Variants in PTPRN2 observed in about 807,000 individuals in gnomAD.
PTPRN2 encodes the protein receptor-type tyrosine-protein phosphatase N2.
In PTPRN2, 74 loss-of-function variants were observed where a neutral mutation model predicts 118.8. The ratio of observed to expected loss-of-function variants is 0.62; its 90% CI spans 0.52 to 0.76. The LOEUF (loss-of-function observed/expected upper bound fraction) is 0.76, where lower values mean the gene tolerates loss of function less well. Ranked by LOEUF, PTPRN2 falls within the 30% of genes least tolerant of loss-of-function variation. The pLI is 0.00. For synonymous variants in PTPRN2, 641 were observed against 608.0 expected (o/e 1.05, Z -0.80); for missense variants, 1,481 against 1,394.4 (o/e 1.06, Z -0.99).
At position 158,525,275 on chromosome 7, in the gene PTPRN2, G is replaced by C. The variant is rs533128808; in HGVS notation, c.113-35490C>G. Reference sequence around the variant, plus strand: ...AAAGTTTCTCTATTTTGGAAACTGGGCATCTGCCAAGGAGAACACACGGCC... The same window carrying C: ...AAAGTTTCTCTATTTTGGAAACTGGCCATCTGCCAAGGAGAACACACGGCC... On this transcript the variant is annotated intron_variant, in intron 1 of 22. Coordinates refer to ENST00000389418, the MANE Select transcript of PTPRN2 (RefSeq NM_002847.5). The surrounding 1 kb of genome is among the most constrained non-coding windows in gnomAD (Gnocchi z 4.1). Among the ~76,000 whole-genome samples, 1 of 152,178 alleles carries C rather than the reference G, an allele frequency of 6.6e-6. No individual in the cohort carries two copies. Among genetic ancestry groups the C allele is most frequent in the Non-Finnish European group, 1.5e-5 (1 of 68,038 alleles).
chr7:158,494,328 C>T (rs953652918), intron 1 of PTPRN2, among the ~76,000 whole-genome samples: 11 of 152,262 alleles, frequency 7.2e-5, no homozygotes, highest in African/African-American at 2.2e-4. Context: ...CCGTGGAAGG[C>T]CCTTCCTGGG....
intron 11 of PTPRN2, among the ~76,000 whole-genome samples, chr7:158,078,146 G>T (rs988980828): frequency 2.0e-5 from 3 of 152,194 alleles, no homozygotes; most frequent in Admixed American, 2.0e-4. Context: ...GTTTGATGGG[G>T]ACTAATGTGG....
intron 11 of PTPRN2, among the ~76,000 whole-genome samples, chr7:157,971,348 C>A (rs1563285696): frequency 1.3e-5 from 2 of 152,126 alleles, no homozygotes; most frequent in Admixed American, 6.5e-5. Context: ...TTCAGAATAT[C>A]CAGGTGAGTC....
At chr7:157,600,467 C>G (rs1031811451) in intron 16 of PTPRN2, among the ~76,000 whole-genome samples, 1 of 152,214 alleles carries the variant, frequency 6.6e-6, no homozygotes, top group African/African-American at 2.4e-5. Context: ...TTACCCCAGG[C>G]TGGAGTGTGG....
intron 12 of PTPRN2, among the ~76,000 whole-genome samples, chr7:157,702,191 G>A (rs972241334): frequency 3.3e-5 from 5 of 151,314 alleles, no homozygotes; most frequent in Middle Eastern, 3.2e-3. Context: ...AGAGAGCCGG[G>A]TAGGTGCTGG....
intron 11 of PTPRN2, among the ~76,000 whole-genome samples, chr7:157,950,115 A>G (rs1261156926): frequency 1.3e-5 from 2 of 152,248 alleles, no homozygotes; most frequent in East Asian, 1.9e-4. Flanking sequence ...ATGACAGATT[A>G]AACATTTAAT....
chr7:157,655,000 A>G (rs1805975223), intron 14 of PTPRN2, among the ~76,000 whole-genome samples: 1 of 152,196 alleles, frequency 6.6e-6, no homozygotes, highest in Admixed American at 6.5e-5. Flanking sequence ...GTCAGATCTA[A>G]AGTAACAAAA....
chr7:158,436,762 G>A (rs1816600073), intron 2 of PTPRN2, among the ~76,000 whole-genome samples: 1 of 152,120 alleles, frequency 6.6e-6, no homozygotes, highest in Admixed American at 6.5e-5. Context: ...ATGGTTTCTG[G>A]TGAAACAATT....
At chr7:157,804,753 C>T (rs151216990) in intron 12 of PTPRN2, among the ~76,000 whole-genome samples, 1 of 152,360 alleles carries the variant, frequency 6.6e-6, no homozygotes, top group Non-Finnish European at 1.5e-5. Context: ...CAAGATCTGA[C>T]ACCTTCTGAC....
At chr7:157,856,811 T>C (rs1809743141) in intron 12 of PTPRN2, among the ~76,000 whole-genome samples, 1 of 152,228 alleles carries the variant, frequency 6.6e-6, no homozygotes, top group Admixed American at 6.5e-5. Context: ...ACTTCATCCA[T>C]AGTTATTCCA....
chr7:157,586,239 C>T (rs565639525), intron 17 of PTPRN2, among the ~76,000 whole-genome samples: 35 of 152,294 alleles, frequency 2.3e-4, no homozygotes, highest in African/African-American at 8.2e-4. Flanking sequence ...TCATGCTTCC[C>T]TTTAATCAAG....
intron 11 of PTPRN2, among the ~76,000 whole-genome samples, chr7:158,047,127 A>G (rs1808937792): frequency 6.6e-6 from 1 of 152,202 alleles, no homozygotes; most frequent in Admixed American, 6.5e-5. Context: ...GTCACAGAGC[A>G]TTTGCTGAGT....
chr7:158,081,454 C>A, intron 10 of PTPRN2, 77 bp from the exon 11 acceptor site: 5 of 1,418,484 alleles, frequency 3.5e-6, no homozygotes, highest in African/African-American at 1.4e-5. Flanking sequence ...ACATGGAAAA[C>A]ACTGGTGTGT....
At position 157,868,635 on chromosome 7, in the gene PTPRN2, T is replaced by C. The variant is rs1810866411; in HGVS notation, c.1788+30038A>G. On this transcript the variant is annotated intron_variant, in intron 12 of 22. Transcript: ENST00000389418. This position sits in a 1 kb window ranked among gnomAD's most constrained non-coding sequence, Gnocchi z 5.2. The stretch of plus-strand genomic sequence containing the variant: ...CCTGAGGACTGGCCGGGGAAATAAC[T>C]CTGAGCCCTCGAGATGAGGGGCTAT... The C allele has an allele frequency of 6.6e-6, 1 of 152,176 alleles. No homozygotes were observed. Among genetic ancestry groups the C allele is most frequent in the Non-Finnish European group, 1.5e-5 (1 of 68,028 alleles). The allele number at this position is 152,176 out of a possible 1,614,324, so 9.4% of individuals were successfully genotyped here.
intron 11 of PTPRN2, among the ~76,000 whole-genome samples, chr7:157,920,196 A>G (rs937343302): frequency 6.6e-6 from 1 of 152,244 alleles, no homozygotes; most frequent in Admixed American, 6.5e-5. Flanking sequence ...CTATGAACAA[A>G]GAAAATAAAA....
rs145953775 is a variant in PTPRN2 at position 157,851,021 on chromosome 7, A to G, written c.1788+47652T>C. The stretch of plus-strand genomic sequence containing the variant: ...CAGCGGAATGGGCGGGCTGTCGAAC[A>G]AAAGGCGGCGAGGGAGGTACCGTGC... On this transcript the variant is annotated intron_variant, in intron 12 of 22. Coordinates refer to ENST00000389418, the MANE Select transcript of PTPRN2 (RefSeq NM_002847.5). Among the ~76,000 whole-genome samples, 449 of 152,360 alleles carry G rather than the reference A, an allele frequency of 2.9e-3. 4 individuals carry two copies. The highest frequency in any genetic ancestry group is 0.01 in the African/African-American group (422 of 41,588).
chr7:158,410,588 C>T (rs769086226), intron 2 of PTPRN2, among the ~76,000 whole-genome samples: 4 of 152,178 alleles, frequency 2.6e-5, no homozygotes, highest in African/African-American at 7.2e-5. Context: ...CCCTAAGCTT[C>T]GGTTTCCCCA....
At position 158,555,633 on chromosome 7, in the gene PTPRN2, C is replaced by A. The variant is rs1826925803; in HGVS notation, c.112+31925G>T. Among the ~76,000 whole-genome samples the A allele has an allele frequency of 6.6e-6, 1 of 152,208 alleles. No homozygotes were observed. Among genetic ancestry groups the A allele is most frequent in the African/African-American group, 2.4e-5 (1 of 41,444 alleles). On this transcript the variant is annotated intron_variant, in intron 1 of 22. Coordinates refer to ENST00000389418, the MANE Select transcript of PTPRN2 (RefSeq NM_002847.5). This position sits in a 1 kb window ranked among gnomAD's most constrained non-coding sequence, Gnocchi z 4.7. ...ACCCAGCCTCCCTCAGCTCCCATGGCAGGGTTAGGGGCACAAGCACCGCCC... is the reference window on the plus strand; with the variant it reads ...ACCCAGCCTCCCTCAGCTCCCATGGAAGGGTTAGGGGCACAAGCACCGCCC...
intron 6 of PTPRN2, among the ~76,000 whole-genome samples, chr7:158,149,678 C>G (rs1408612281): frequency 6.6e-6 from 1 of 152,070 alleles, no homozygotes; most frequent in Non-Finnish European, 1.5e-5. Flanking sequence ...GTGGCGCATG[C>G]CTGTAGTCCC....
Sources: gnomAD v4.1 joint callset for allele counts (sites outside exome capture counted in the v4.1 genomes callset) on GRCh38, gnomAD v4.1.1 for gene constraint, Gnocchi (gnomAD v3.1) non-coding constraint, MANE v1.5 for transcripts, NCBI Gene and HGNC (gene_info 2026-07-23, HGNC 2026-07-21) for gene names.